The following PATJ variants were observed in gnomAD, a reference collection of about 807,000 sequenced individuals.
PATJ encodes inaD-like protein.
A neutral mutation model predicts 224.9 loss-of-function variants in PATJ; 190 were observed. The ratio of observed to expected loss-of-function variants is 0.84; its 90% CI spans 0.75 to 0.95. PATJ has a LOEUF of 0.95. PATJ is among the 40% of genes least tolerant of loss of function. PATJ has a pLI of 0.00. For synonymous variants in PATJ, 769 were observed against 820.3 expected (o/e 0.94, Z 1.07); for missense variants, 2,121 against 2,270.3 (o/e 0.93, Z 1.34).
intron 33 of PATJ, among the ~76,000 whole-genome samples, chr1:62,091,219 A>G (rs915419340): frequency 1.3e-5 from 2 of 152,142 alleles, no homozygotes; most frequent in African/African-American, 4.8e-5. Context: ...CCCTGATACC[A>G]TTGCCAGAGA....
chr1:61,888,742 A>G (rs1369964623), intron 22 of PATJ, among the ~76,000 whole-genome samples: 1 of 152,220 alleles, frequency 6.6e-6, no homozygotes, highest in Non-Finnish European at 1.5e-5. Flanking sequence ...CAGAAGAGAA[A>G]GTGGAGCATC....
At chr1:62,078,455 G>A (rs2148722701) in intron 31 of PATJ, among the ~76,000 whole-genome samples, 1 of 152,018 alleles carries the variant, frequency 6.6e-6, no homozygotes, top group East Asian at 1.9e-4. Context: ...GCTAATTTTT[G>A]TATTTTTTTC....
At chr1:62,154,040 C>T (rs1205417153) in intron 43 of PATJ, among the ~76,000 whole-genome samples, 6 of 152,018 alleles carry the variant, frequency 3.9e-5, no homozygotes, top group East Asian at 1.9e-4. Context: ...GGACTACAGG[C>T]GCATGCCACC....
intron 28 of PATJ, among the ~76,000 whole-genome samples, chr1:62,004,765 A>C (rs1490041129): frequency 6.6e-6 from 1 of 152,226 alleles, no homozygotes; most frequent in Non-Finnish European, 1.5e-5. Flanking sequence ...ATAGTTATAA[A>C]ATGTCAATAT....
Position 62,161,121 on chromosome 1 carries a change from T to A in PATJ, c.*67T>A. ...ATCCACAGGCAGATGAAGTTCTGAG[T>A]GGGTATGAAAAGCACCCTCAACTAA... On this transcript the variant is annotated 3_prime_UTR_variant, in exon 44 of 44. Coordinates refer to ENST00000642238, the MANE Select transcript of PATJ (RefSeq NM_001350145.3). The A allele has an allele frequency of 7.7e-7, 1 of 1,304,350 alleles. No homozygotes were observed. Among genetic ancestry groups the A allele is most frequent in the Non-Finnish European group, 9.9e-7 (1 of 1,013,132 alleles). 80.8% of individuals were successfully genotyped at this position (1,304,350 alleles called of 1,614,324 possible).
chr1:61,831,555 C>T (rs941130711), intron 16 of PATJ, among the ~76,000 whole-genome samples: 4 of 152,158 alleles, frequency 2.6e-5, no homozygotes, highest in African/African-American at 9.7e-5. Context: ...AAGACATATA[C>T]GTGGCCAACC....
intron 27 of PATJ, chr1:61,952,280 A>AGAGAGAGAGAGAGAGAGAGAT (rs34366135): frequency 2.4e-6 from 1 of 416,892 alleles, no homozygotes; most frequent in African/African-American, 2.7e-5. Context: ...GAGAGAGAGA[A>AGAGAGAGAGAGAGAGAGAGAT]AAATAGGCCC....
intron 25 of PATJ, 127 bp downstream of exon 25, chr1:61,908,609 T>C: frequency 1.6e-6 from 1 of 623,040 alleles, no homozygotes; most frequent in Admixed American, 3.2e-5. Context: ...AAGTATGAGC[T>C]TCATAAAAAT....
At chr1:61,983,640 A>C (rs1447535251) in intron 27 of PATJ, among the ~76,000 whole-genome samples, 1 of 152,234 alleles carries the variant, frequency 6.6e-6, no homozygotes, top group South Asian at 2.1e-4. Flanking sequence ...GAGGATCTTC[A>C]AAATCACTCA....
intron 43 of PATJ, among the ~76,000 whole-genome samples, chr1:62,160,551 A>G (rs184280554): frequency 1.4e-4 from 21 of 152,276 alleles, no homozygotes; most frequent in Middle Eastern, 6.8e-3. Flanking sequence ...ATTCAGTTCT[A>G]TCTGCCTTTT....
intron 41 of PATJ, among the ~76,000 whole-genome samples, chr1:62,144,793 T>TATATATATATATATATATATATATATAA (rs2149013180): frequency 6.8e-6 from 1 of 146,072 alleles, no homozygotes; most frequent in East Asian, 2.2e-4. Context: ...TATATATATA[T>TATATATATATATATATATATATATATAA]ATAATTAGCA....
intron 27 of PATJ, among the ~76,000 whole-genome samples, chr1:61,981,536 CAGAA>C (rs1644448000): frequency 6.6e-6 from 1 of 151,680 alleles, no homozygotes. Flanking sequence ...CAGGAGCCTT[CAGAA>C]AGAAAGACCC....
intron 25 of PATJ, among the ~76,000 whole-genome samples, chr1:61,914,096 A>G (rs557892459): frequency 6.6e-6 from 1 of 152,344 alleles, no homozygotes; most frequent in African/African-American, 2.4e-5. Context: ...TGTACTTCTC[A>G]TACTTTTACT....
chr1:62,090,457 C>A lies in PATJ; in HGVS notation c.4377+5809C>A, dbSNP rs372182679. On this transcript the variant is annotated intron_variant, in intron 33 of 43. Coordinates refer to ENST00000642238, the MANE Select transcript of PATJ (RefSeq NM_001350145.3). ...TTATGGTCTAATATAGGAGGTAAAC[C>A]AATGAAAAGTCATAATAATGACTAT... is the stretch of plus-strand genomic sequence containing the variant. Among the ~76,000 whole-genome samples, 71 of 152,086 alleles carry A rather than the reference C, an allele frequency of 4.7e-4. 1 individual carries two copies. Among genetic ancestry groups the A allele is most frequent in the South Asian group, 6.2e-4 (3 of 4,804 alleles).
At chr1:62,125,752 G>A (rs1254841865) in intron 39 of PATJ, among the ~76,000 whole-genome samples, 3 of 151,798 alleles carry the variant, frequency 2.0e-5, no homozygotes, top group Non-Finnish European at 2.9e-5. Flanking sequence ...TCTACCACAC[G>A]TGATCCAAGC....
chr1:61,955,912 T>C (rs1680382573), intron 27 of PATJ, among the ~76,000 whole-genome samples: 1 of 152,222 alleles, frequency 6.6e-6, no homozygotes, highest in Non-Finnish European at 1.5e-5. Flanking sequence ...CATCCACTCA[T>C]TGGACAAAGA....
Position 61,797,325 on chromosome 1 carries a change from T to C in PATJ, c.1299T>C (p.Asp433=). ...ACATTCAGGGTTTTGCCAACCATGA[T>C]GTTGTTGAAGTATTACGAAATGCAG... ...GVNIQGFANH[D]VVEVLRNAGQ... is the part of the protein sequence containing the mutation. Residue 433 remains aspartate, a synonymous_variant, in exon 11 of 44, where the codon GAT becomes GAC. Transcript: ENST00000642238. The C allele has an allele frequency of 3.7e-6, 6 of 1,613,910 alleles. No homozygotes were observed. Among genetic ancestry groups the C allele is most frequent in the Non-Finnish European group, 4.2e-6 (5 of 1,179,804 alleles).
At chr1:62,035,416 A>G (rs775453104) in intron 29 of PATJ, among the ~76,000 whole-genome samples, 1 of 152,186 alleles carries the variant, frequency 6.6e-6, no homozygotes, top group Admixed American at 6.5e-5. Context: ...TCATTCCACA[A>G]AAAAAGTAAC....
chr1:61,778,784 T>G (rs1343482496), intron 7 of PATJ, among the ~76,000 whole-genome samples: 1 of 152,098 alleles, frequency 6.6e-6, no homozygotes, highest in East Asian at 1.9e-4. Flanking sequence ...CACCACAACC[T>G]CTGCCTCCCA....
Sources: allele counts gnomAD v4.1 joint callset (sites outside exome capture counted in the v4.1 genomes callset), GRCh38; gene constraint gnomAD v4.1.1; transcripts MANE v1.5; gene names NCBI Gene and HGNC (gene_info 2026-07-23, HGNC 2026-07-21).